The following HELZ variants were observed in gnomAD, a reference collection of about 807,000 sequenced individuals.
HELZ encodes ATP-dependent RNA helicase with zinc finger domain.
Under a neutral mutation model 218.2 loss-of-function variants are expected in HELZ, and 23 were observed. The observed-to-expected ratio is 0.11, with a 90% CI of 0.08 to 0.15. The LOEUF is 0.15. Among genes scored for constraint, HELZ ranks in the 10% least tolerant of loss-of-function variants. The probability of loss-of-function intolerance (pLI) is 1.00; values close to 1 mark genes in which losing one functional copy is unlikely to be tolerated. For missense variants in HELZ, 1,813 were observed against 2,353.7 expected (o/e 0.77, Z 4.75); for synonymous variants, 814 against 829.4 (o/e 0.98, Z 0.32).
intron 3 of HELZ, among the ~76,000 whole-genome samples, chr17:67,229,363 C>G (rs2040977653): frequency 6.6e-6 from 1 of 152,064 alleles, no homozygotes; most frequent in Non-Finnish European, 1.5e-5. Flanking sequence ...GACCTAAATC[C>G]TACCCAGATT....
intron 31 of HELZ, among the ~76,000 whole-genome samples, chr17:67,088,008 G>A (rs2036446209): frequency 6.6e-6 from 1 of 152,048 alleles, no homozygotes; most frequent in Admixed American, 6.5e-5. Flanking sequence ...GTGTCACCTT[G>A]GGCAACTGAT....
At chr17:67,091,942 T>C (rs1053672374) in intron 31 of HELZ, among the ~76,000 whole-genome samples, 1 of 152,162 alleles carries the variant, frequency 6.6e-6, no homozygotes, top group African/African-American at 2.4e-5. Flanking sequence ...GTTTGGTGGA[T>C]CAGTACAGTT....
intron 12 of HELZ, among the ~76,000 whole-genome samples, chr17:67,184,102 G>C (rs932573895): frequency 6.6e-6 from 1 of 151,730 alleles, no homozygotes; most frequent in Non-Finnish European, 1.5e-5. Context: ...ACTTAACAAT[G>C]AACTAGAGAA....
At position 67,148,640 on chromosome 17, in the gene HELZ, C is replaced by T. The variant is rs539661406; in HGVS notation, c.2550G>A (p.Glu850=). Residue 850 remains glutamate, a synonymous_variant, in exon 20 of 33, where the codon GAG becomes GAA. Transcript: ENST00000358691. The part of the protein sequence containing the change: ...LHVSLLDRLY[E]HYPAEFPCRI... ...TACATGGGAACTCAGCAGGGTAATGCTCATAGAGTCGGTCAAGTAATGAAA... is the reference window on the plus strand; with the variant it reads ...TACATGGGAACTCAGCAGGGTAATGTTCATAGAGTCGGTCAAGTAATGAAA... The T allele has an allele frequency of 1.2e-6, 2 of 1,613,816 alleles. No homozygotes were observed. Among genetic ancestry groups the T allele is most frequent in the East Asian group, 2.2e-5 (1 of 44,868 alleles).
intron 3 of HELZ, chr17:67,224,730 G>A: frequency 4.9e-6 from 5 of 1,018,988 alleles, no homozygotes; most frequent in Non-Finnish European, 7.5e-6. Context: ...ATGCAAACAT[G>A]GTGAACGTTG....
At chr17:67,210,268 A>G (rs2040417024) in intron 5 of HELZ, among the ~76,000 whole-genome samples, 1 of 152,224 alleles carries the variant, frequency 6.6e-6, no homozygotes, top group Admixed American at 6.6e-5. Flanking sequence ...GTAGTTACAG[A>G]TATCACTTCC....
At chr17:67,221,879 C>T (rs369987219) in intron 3 of HELZ, among the ~76,000 whole-genome samples, 3 of 148,614 alleles carry the variant, frequency 2.0e-5, no homozygotes. Context: ...AGTCTCGCTG[C>T]GCAGCCCATG....
intron 13 of HELZ, among the ~76,000 whole-genome samples, chr17:67,174,181 T>C (rs904378951): frequency 6.6e-6 from 1 of 150,528 alleles, no homozygotes; most frequent in African/African-American, 2.5e-5. Flanking sequence ...CTGGACTGCT[T>C]TGAAAAAAAT....
chr17:67,245,929 CCT>C (rs2041471180), upstream of HELZ: 2 of 152,148 alleles, frequency 1.3e-5, no homozygotes, highest in Admixed American at 1.3e-4. Flanking sequence ...GCGGAGCCAC[CCT>C]GGGAGCGTCC....
chr17:67,230,523 G>A (rs1055753402), intron 3 of HELZ, among the ~76,000 whole-genome samples: 49 of 150,760 alleles, frequency 3.3e-4, no homozygotes, highest in African/African-American at 1.0e-3. Flanking sequence ...CTTGAACCTG[G>A]GAGGCAGAGG....
intron 3 of HELZ, chr17:67,225,052 T>G (rs1272235755): frequency 1.6e-6 from 1 of 616,426 alleles, no homozygotes; most frequent in Non-Finnish European, 3.0e-6. Flanking sequence ...GTGTCATCTT[T>G]TATTATGAAG....
chr17:67,107,160 G>A lies in HELZ; in HGVS notation c.5241+9C>T, dbSNP rs748274844. ...GCTAATAACAAAAGGAAAATAAGAA[G>A]ACATTTACCTCTTCTAAGCTAGGGA... is the stretch of plus-strand genomic sequence containing the variant. On this transcript the variant is annotated intron_variant, in intron 31 of 32. Coordinates refer to ENST00000358691, the MANE Select transcript of HELZ (RefSeq NM_014877.4). The A allele has an allele frequency of 1.3e-6, 2 of 1,581,466 alleles. No individual in the cohort carries two copies. Among genetic ancestry groups the A allele is most frequent in the Admixed American group, 1.9e-5 (1 of 52,512 alleles).
chr17:67,111,237 T>C (rs1263356652), intron 28 of HELZ, among the ~76,000 whole-genome samples: 1 of 152,254 alleles, frequency 6.6e-6, no homozygotes, highest in Non-Finnish European at 1.5e-5. Context: ...TAAACTGTGA[T>C]AACTACAAAA....
intron 9 of HELZ, among the ~76,000 whole-genome samples, chr17:67,191,453 T>C (rs566415664): frequency 7.9e-5 from 12 of 152,160 alleles, no homozygotes; most frequent in Middle Eastern, 6.8e-3. Context: ...ATAAAATACT[T>C]TGATAATTTT....
intron 3 of HELZ, among the ~76,000 whole-genome samples, chr17:67,229,064 G>C (rs937522005): frequency 2.0e-5 from 3 of 152,210 alleles, no homozygotes; most frequent in Non-Finnish European, 4.4e-5. Flanking sequence ...AAGCCTATCA[G>C]AATGTGCCCC....
intron 21 of HELZ, 22 bp downstream of exon 21, chr17:67,145,721 T>C (rs760104646): frequency 1.3e-6 from 2 of 1,574,822 alleles, no homozygotes; most frequent in African/African-American, 2.7e-5. Context: ...ATGTTAACAA[T>C]TTACAAAAAG....
At chr17:67,199,023 T>C (rs1229004001) in intron 7 of HELZ, among the ~76,000 whole-genome samples, 3 of 152,092 alleles carry the variant, frequency 2.0e-5, no homozygotes, top group Admixed American at 2.0e-4. Flanking sequence ...AGATGTAAAG[T>C]TGGTAATTCA....
In HELZ at chr17:67,077,604, CA is replaced by C. The variant is rs1417072706; in HGVS notation, c.*647del. 1 of 149,428 alleles carries C rather than the reference CA, an allele frequency of 6.7e-6. No individual in the cohort carries two copies. The highest frequency in any genetic ancestry group is 1.5e-5 in the Non-Finnish European group (1 of 67,552). 9.3% of individuals were successfully genotyped at this position (149,428 alleles called of 1,614,324 possible). A position where few individuals can be genotyped will look rare whatever the true frequency, so the allele number is the denominator to read the frequency against. On this transcript the variant is annotated 3_prime_UTR_variant, in exon 33 of 33. Transcript: ENST00000358691. Reference sequence around the variant, plus strand: ...TCACATTTCAAAAAACAGTGGCATACAAAATATGCCTGCAAAGAATGCCTTT... The same window carrying C: ...TCACATTTCAAAAAACAGTGGCATACAAATATGCCTGCAAAGAATGCCTTT...
rs989381879 is a variant in HELZ, at chr17:67,072,754, A to C, written c.*5498T>G. The stretch of plus-strand genomic sequence containing the variant: ...TTCCAGTCATGGCACCAGATTTATA[A>C]AAATGTCTCCAGAGATCAGTTTTTT... On this transcript the variant is annotated 3_prime_UTR_variant, in exon 33 of 33. Coordinates refer to ENST00000358691, the MANE Select transcript of HELZ (RefSeq NM_014877.4). 1 of 152,218 alleles carries C rather than the reference A, an allele frequency of 6.6e-6. No individual in the cohort carries two copies. The highest frequency in any genetic ancestry group is 1.5e-5 in the Non-Finnish European group (1 of 68,040). The allele number at this position is 152,218 out of a possible 1,614,324, so 9.4% of individuals were successfully genotyped here. A position where few individuals can be genotyped will look rare whatever the true frequency, so the allele number is the denominator to read the frequency against.
Sources: allele counts gnomAD v4.1 joint callset (sites outside exome capture counted in the v4.1 genomes callset), GRCh38; gene constraint gnomAD v4.1.1; transcripts MANE v1.5; gene names NCBI Gene and HGNC (gene_info 2026-07-23, HGNC 2026-07-21).